Variants in APBB2 observed in about 807,000 individuals in gnomAD.
APBB2 encodes Fe65-like 1.
A neutral mutation model predicts 82.5 loss-of-function variants in APBB2; 38 were observed. The observed-to-expected ratio is 0.46, with a 90% CI of 0.36 to 0.60. The LOEUF is 0.60. APBB2 is among the 20% of genes least tolerant of loss of function. APBB2 has a pLI of 0.00. For missense variants in APBB2, 772 were observed against 972.3 expected (o/e 0.79, Z 2.74); for synonymous variants, 341 against 368.2 (o/e 0.93, Z 0.85).
intron 6 of APBB2, among the ~76,000 whole-genome samples, chr4:41,011,477 C>T (rs1321403190): frequency 6.6e-6 from 1 of 152,138 alleles, no homozygotes; most frequent in African/African-American, 2.4e-5. Context: ...GTCACCCAGG[C>T]TAGAGTGCAG....
chr4:41,153,410 T>C (rs1762747804), intron 1 of APBB2, among the ~76,000 whole-genome samples: 1 of 152,234 alleles, frequency 6.6e-6, no homozygotes, highest in Non-Finnish European at 1.5e-5. Flanking sequence ...TTTCCTCCTT[T>C]GTTACACATT....
At chr4:40,938,671 G>T (rs1174234233) in intron 7 of APBB2, among the ~76,000 whole-genome samples, 1 of 152,142 alleles carries the variant, frequency 6.6e-6, no homozygotes, top group Non-Finnish European at 1.5e-5. Flanking sequence ...CGAAGTGGTA[G>T]CAAAATGCAA....
intron 2 of APBB2, among the ~76,000 whole-genome samples, chr4:41,121,913 G>GTGTGTA (rs1003468134): frequency 6.6e-6 from 1 of 151,750 alleles, no homozygotes; most frequent in African/African-American, 2.4e-5. Flanking sequence ...GTGTGTGTAT[G>GTGTGTA]TGTGTATGTG....
intron 6 of APBB2, among the ~76,000 whole-genome samples, chr4:40,990,745 T>C (rs1801792613): frequency 6.6e-6 from 1 of 152,196 alleles, no homozygotes; most frequent in Non-Finnish European, 1.5e-5. Flanking sequence ...CAGTGATTCA[T>C]TTCATACCAA....
chr4:40,821,772 G>A (rs562668093), intron 17 of APBB2, 99 bp downstream of exon 17: 6 of 1,393,778 alleles, frequency 4.3e-6, no homozygotes, highest in Admixed American at 2.2e-5. Context: ...TTAGGGATTC[G>A]ACTTTTTTCA....
chr4:41,028,943 T>G (rs1006728689), intron 5 of APBB2, among the ~76,000 whole-genome samples: 1 of 152,204 alleles, frequency 6.6e-6, no homozygotes, highest in African/African-American at 2.4e-5. Context: ...ACCTTTAGCC[T>G]TTTGTCAAAG....
rs1744374414 is a variant in APBB2 at position 40,811,380 on chromosome 4, CCT to C, written c.*4710_*4711del. ...ACCAGCCTGGCCAACGTGGCGAAACCCTGTCTCTACTAAAAATATACAAATTG... is the reference window on the plus strand; with the variant it reads ...ACCAGCCTGGCCAACGTGGCGAAACCGTCTCTACTAAAAATATACAAATTG... On this transcript the variant is annotated 3_prime_UTR_variant, in exon 18 of 18. Transcript: ENST00000508593. 6.6e-6 allele frequency: 1 copy of C among 152,008 alleles called. No homozygotes were observed. The highest frequency in any genetic ancestry group is 1.9e-4 in the East Asian group (1 of 5,186). The allele number at this position is 152,008 out of a possible 1,614,324, so 9.4% of individuals were successfully genotyped here. A position where few individuals can be genotyped will look rare whatever the true frequency, so the allele number is the denominator to read the frequency against.
At chr4:40,911,772 A>AGCTGTC (rs758344581) in intron 10 of APBB2, among the ~76,000 whole-genome samples, 14,435 of 152,170 alleles carry the variant, frequency 0.095, 781 homozygotes, top group Middle Eastern at 0.16. Flanking sequence ...CCAGACCAAC[A>AGCTGTC]CCTAGGGGGA....
intron 6 of APBB2, among the ~76,000 whole-genome samples, chr4:40,950,012 C>T (rs946348814): frequency 1.3e-5 from 2 of 152,164 alleles, no homozygotes; most frequent in South Asian, 4.1e-4. Context: ...CAGAGCGACT[C>T]GCCTGGAGGA....
intron 2 of APBB2, among the ~76,000 whole-genome samples, chr4:41,132,540 G>T (rs968865069): frequency 1.3e-5 from 2 of 152,190 alleles, no homozygotes; most frequent in African/African-American, 2.4e-5. Flanking sequence ...CAGCCCTGCA[G>T]TCTGAAAAGC....
chr4:41,144,420 G>T (rs1447137624), intron 1 of APBB2, among the ~76,000 whole-genome samples: 2 of 152,186 alleles, frequency 1.3e-5, no homozygotes, highest in Non-Finnish European at 2.9e-5. Context: ...GCACTTTTGG[G>T]TTATGGAATG....
intron 1 of APBB2, among the ~76,000 whole-genome samples, chr4:41,160,027 A>AAGAAGAAGG (rs1580503852): frequency 6.8e-6 from 1 of 147,352 alleles, no homozygotes; most frequent in East Asian, 2.0e-4. Flanking sequence ...GAAGAAGAAG[A>AAGAAGAAGG]AGAAGAAGAA....
chr4:40,832,039 CACACACACACACATAT>C lies in APBB2; in HGVS notation c.1530-1478_1530-1463del, dbSNP rs1752182258. Among the ~76,000 whole-genome samples the C allele has an allele frequency of 5.3e-5, 8 of 151,908 alleles. No homozygotes were observed. The Admixed American group carries it at 5.3e-4, about 10-fold the overall frequency. ...ACACACACACACACACACACACACACACACACACACACATATACACCAAGCTTTACCCATCTAGGAA... is the reference window on the plus strand; with the variant it reads ...ACACACACACACACACACACACACACACACCAAGCTTTACCCATCTAGGAA... On this transcript the variant is annotated intron_variant, in intron 12 of 17. Coordinates refer to ENST00000508593, the MANE Select transcript of APBB2 (RefSeq NM_004307.2). This position sits in a 1 kb window ranked among gnomAD's most constrained non-coding sequence, Gnocchi z 4.8.
intron 1 of APBB2, among the ~76,000 whole-genome samples, chr4:41,178,630 A>T (rs538463469): frequency 1.3e-5 from 2 of 152,302 alleles, no homozygotes; most frequent in African/African-American, 4.8e-5. Flanking sequence ...TCACATCACC[A>T]TCTAATATGG....
At chr4:40,857,174 G>C (rs1401103062) in intron 12 of APBB2, 1 of 985,328 alleles carries the variant, frequency 1.0e-6, no homozygotes, top group African/African-American at 1.7e-5. Flanking sequence ...CGGCGCCCGC[G>C]CCTCCCTGCG....
At chr4:40,960,436 T>A (rs1053239620) in intron 6 of APBB2, among the ~76,000 whole-genome samples, 3 of 143,210 alleles carry the variant, frequency 2.1e-5, no homozygotes, top group Admixed American at 1.6e-4. Context: ...AAAACAGAAA[T>A]TTTTTTTCGG....
chr4:41,184,338 A>G (rs1772282802), intron 1 of APBB2, among the ~76,000 whole-genome samples: 3 of 152,174 alleles, frequency 2.0e-5, no homozygotes, highest in Non-Finnish European at 4.4e-5. Context: ...CAGCAGCCCT[A>G]GCAAAGTAAT....
In APBB2 at chr4:41,159,914, AGGAGGAGGAGGAGGAGGAGG is replaced by A. The variant is rs1560912319; in HGVS notation, c.-416-16792_-416-16773del. On this transcript the variant is annotated intron_variant, in intron 1 of 17. Coordinates refer to ENST00000508593, the MANE Select transcript of APBB2 (RefSeq NM_004307.2). ...AAAAGGAAGAAGAAGGAGAAGGAGG[AGGAGGAGGAGGAGGAGGAGG>A]AGGAGGAGGAGAAGGAGAAGGAGAA... Among the ~76,000 whole-genome samples, 72 of 18,412 alleles carry A rather than the reference AGGAGGAGGAGGAGGAGGAGG, an allele frequency of 3.9e-3. 3 individuals carry two copies. Among genetic ancestry groups the A allele is most frequent in the African/African-American group, 6.0e-3 (52 of 8,648 alleles). The allele number at this position is 18,412 out of a possible 152,430, so 12.1% of individuals were successfully genotyped here. A position where few individuals can be genotyped will look rare whatever the true frequency, so the allele number is the denominator to read the frequency against.
At chr4:41,093,579 C>T (rs376055037) in intron 3 of APBB2, among the ~76,000 whole-genome samples, 57 of 152,166 alleles carry the variant, frequency 3.7e-4, no homozygotes, top group African/African-American at 1.3e-3. Context: ...AAGGGCCGGG[C>T]GCGGTGGCTC....
Sources: allele counts gnomAD v4.1 joint callset (sites outside exome capture counted in the v4.1 genomes callset), GRCh38; gene constraint gnomAD v4.1.1; non-coding constraint Gnocchi (gnomAD v3.1); transcripts MANE v1.5; gene names NCBI Gene and HGNC (gene_info 2026-07-23, HGNC 2026-07-21).